MCF2L: variants seen among roughly 807,000 people sequenced by gnomAD.
MCF2L encodes MCF.2 cell line derived transforming sequence like, also known as guanine nucleotide exchange factor DBS.
A neutral mutation model predicts 153.4 loss-of-function variants in MCF2L; 97 were observed. The observed-to-expected ratio is 0.63, with a 90% CI of 0.54 to 0.75. MCF2L has a LOEUF of 0.75. Among genes scored for constraint, MCF2L ranks in the 30% least tolerant of loss-of-function variants. MCF2L has a pLI of 0.00. For missense variants in MCF2L, 1,347 were observed against 1,495.2 expected, an observed-to-expected ratio of 0.90 and a Z score of 1.64; for synonymous variants, 659 against 632.2, an observed-to-expected ratio of 1.04 and a Z score of -0.64.
At chr13:112,920,243 AG>A (rs2081338806) in intron 2 of MCF2L, among the ~76,000 whole-genome samples, 3 of 152,216 alleles carry the variant, frequency 2.0e-5, no homozygotes, top group Non-Finnish European at 4.4e-5. Flanking sequence ...GTGTGTCTGT[AG>A]AGTACAGTTC....
intron 2 of MCF2L, among the ~76,000 whole-genome samples, chr13:112,926,443 C>G: frequency 6.6e-6 from 1 of 152,198 alleles, no homozygotes; most frequent in Admixed American, 6.5e-5. Context: ...TTTCTATACA[C>G]AGCGGAGTAC....
intron 1 of MCF2L, among the ~76,000 whole-genome samples, chr13:113,000,070 C>T (rs923027954): frequency 6.6e-6 from 1 of 152,146 alleles, no homozygotes; most frequent in Non-Finnish European, 1.5e-5. Flanking sequence ...CGGCTGGTGC[C>T]GTGGTGACGG....
intron 2 of MCF2L, among the ~76,000 whole-genome samples, chr13:113,022,679 G>A (rs992841392): frequency 6.6e-6 from 1 of 152,268 alleles, no homozygotes; most frequent in Admixed American, 6.5e-5. Context: ...AATGGCGACT[G>A]AAAAGTTGCC....
At chr13:112,944,459 G>A (rs549900799) in intron 2 of MCF2L, among the ~76,000 whole-genome samples, 22 of 152,002 alleles carry the variant, frequency 1.4e-4, no homozygotes, top group Non-Finnish European at 2.6e-4. Context: ...GGGGGATGCC[G>A]CCTGCTCAAG....
At chr13:113,015,802 G>A (rs550459528) in intron 2 of MCF2L, among the ~76,000 whole-genome samples, 52 of 152,356 alleles carry the variant, frequency 3.4e-4, no homozygotes, top group African/African-American at 1.2e-3. Context: ...CCCAGGAGGA[G>A]GAAGGAGAGA....
intron 2 of MCF2L, among the ~76,000 whole-genome samples, chr13:112,922,182 C>T (rs573278939): frequency 1.3e-5 from 2 of 152,014 alleles, no homozygotes; most frequent in South Asian, 4.2e-4. Context: ...AATTTGAAAG[C>T]GTAGAAGAAA....
Position 113,070,169 on chromosome 13 carries a change from G to C in MCF2L, c.992G>C (p.Arg331Pro). 3 of 1,592,314 alleles carry C rather than the reference G, an allele frequency of 1.9e-6. No homozygotes were observed. Among genetic ancestry groups the C allele is most frequent in the South Asian group, 1.1e-5 (1 of 88,444 alleles). Residue 331 changes from arginine (R) to proline (P), a missense_variant, in exon 9 of 30, where the codon CGG (arginine) becomes CCG (proline). Around this residue, in one of 3 missense-constraint regions of MCF2L, gnomAD observed 820 missense variants for 921.2 expected, o/e 0.89. Coordinates refer to ENST00000535094, the MANE Select transcript of MCF2L (RefSeq NM_001112732.3). This position sits in a 1 kb window ranked among gnomAD's most constrained non-coding sequence, Gnocchi z 5.6. ...CTCCGGCACTTTGAGCAGGGCTTCC[G>C]GGAGGTGAGTGGCCCTGGGTGGAGC... is the stretch of plus-strand genomic sequence containing the variant. Reference protein sequence around the residue: ...LQLRHFEQGFREVKAILDAAS... With the variant: ...LQLRHFEQGFPEVKAILDAAS...
In MCF2L at chr13:113,064,899, G is replaced by A. The variant is rs139926320; in HGVS notation, c.607-37G>A. Reference sequence around the variant, plus strand: ...CAGGGCAGCAGGAGGTGGGTGCAGTGCACAAGGCATGCAATTGTGTTTTCT... The same window carrying A: ...CAGGGCAGCAGGAGGTGGGTGCAGTACACAAGGCATGCAATTGTGTTTTCT... On this transcript the variant is annotated intron_variant, in intron 6 of 29. Coordinates refer to ENST00000535094, the MANE Select transcript of MCF2L (RefSeq NM_001112732.3). The surrounding 1 kb of genome is among the most constrained non-coding windows in gnomAD (Gnocchi z 6.0). 8.0e-5 allele frequency: 127 copies of A among 1,593,870 alleles called. No homozygotes were observed. The East Asian group carries it at 2.8e-3, about 35-fold the overall frequency.
rs539607062 is a variant in MCF2L, at chr13:113,090,697, G to A, written c.2953+969G>A. 239 of 985,490 alleles carry A rather than the reference G, an allele frequency of 2.4e-4. No individual in the cohort carries two copies. In the South Asian group the frequency reaches 6.1e-3, roughly 25 times the overall value. The allele number at this position is 985,490 out of a possible 1,614,324, so 61.0% of individuals were successfully genotyped here. A position where few individuals can be genotyped will look rare whatever the true frequency, so the allele number is the denominator to read the frequency against. On this transcript the variant is annotated intron_variant, in intron 26 of 29. Transcript: ENST00000535094. ...TGGAAGCCGGCCCTGGCGTGCAGGCGGCTCTTCTGGGAAGCCCTGAAGGCC... is the reference window on the plus strand; with the variant it reads ...TGGAAGCCGGCCCTGGCGTGCAGGCAGCTCTTCTGGGAAGCCCTGAAGGCC...
At chr13:112,975,148 C>T (rs1207729783) in intron 1 of MCF2L, among the ~76,000 whole-genome samples, 2 of 152,212 alleles carry the variant, frequency 1.3e-5, no homozygotes, top group Non-Finnish European at 2.9e-5. Context: ...AAAGAAGCAT[C>T]TGTTACGCCT....
intron 1 of MCF2L, among the ~76,000 whole-genome samples, chr13:112,970,624 C>T (rs895265675): frequency 7.9e-5 from 12 of 152,000 alleles, no homozygotes; most frequent in African/African-American, 2.7e-4. Flanking sequence ...GGCTTCCGAT[C>T]GGCTGTGGGG....
Position 113,077,219 on chromosome 13 carries a change from T to A in MCF2L, c.1660+8T>A, listed in dbSNP as rs202140214. 1.2e-5 allele frequency: 19 copies of A among 1,548,414 alleles called. No individual in the cohort carries two copies. The East Asian group carries it at 2.1e-4, about 17-fold the overall frequency. The stretch of plus-strand genomic sequence containing the variant: ...CGCCCTGCCCCTCCCCAGGTCTGTG[T>A]GGCCGCCCGGTGCCCCGGGTGCTGT... On this transcript the variant is annotated splice_region_variant and intron_variant, in intron 13 of 29. Transcript: ENST00000535094.
intron 1 of MCF2L, among the ~76,000 whole-genome samples, chr13:112,901,139 C>T (rs779951917): frequency 6.6e-6 from 1 of 152,140 alleles, no homozygotes; most frequent in African/African-American, 2.4e-5. Context: ...GGTGGAGCCA[C>T]CGATACCGTT....
intron 2 of MCF2L, among the ~76,000 whole-genome samples, chr13:112,954,922 C>T (rs895024582): frequency 6.6e-6 from 1 of 152,160 alleles, no homozygotes; most frequent in African/African-American, 2.4e-5. Context: ...CTGTTTAGGG[C>T]GAGTTGGTCA....
chr13:112,945,793 A>G (rs549253674), intron 2 of MCF2L, among the ~76,000 whole-genome samples: 1 of 152,378 alleles, frequency 6.6e-6, no homozygotes, highest in Non-Finnish European at 1.5e-5. Context: ...GTCAAAAGCA[A>G]TAATTGGGTT....
chr13:112,999,294 A>T (rs1270625733), intron 1 of MCF2L, among the ~76,000 whole-genome samples: 1 of 152,110 alleles, frequency 6.6e-6, no homozygotes, highest in Non-Finnish European at 1.5e-5. Flanking sequence ...CTTCAGTGTG[A>T]CAAGACATCG....
intron 2 of MCF2L, among the ~76,000 whole-genome samples, chr13:113,023,585 G>A (rs1320946304): frequency 1.3e-5 from 2 of 152,214 alleles, no homozygotes; most frequent in Non-Finnish European, 2.9e-5. Flanking sequence ...GGACGTGGAT[G>A]AGGGGCGGCG....
chr13:113,057,232 G>A (rs543409922), intron 4 of MCF2L, among the ~76,000 whole-genome samples: 1 of 149,542 alleles, frequency 6.7e-6, no homozygotes, highest in East Asian at 2.0e-4. Flanking sequence ...TGGGTACTGA[G>A]TGGGTGCTGT....
At chr13:113,089,798 A>G (rs2035022105) in intron 26 of MCF2L, 70 bp downstream of exon 26, 2 of 1,598,764 alleles carry the variant, frequency 1.3e-6, no homozygotes, top group Non-Finnish European at 1.7e-6. Context: ...TGCTCACTGC[A>G]TCCGAGAAAC....
Sources: gnomAD v4.1 joint callset for allele counts (sites outside exome capture counted in the v4.1 genomes callset) on GRCh38, gnomAD v4.1.1 for gene constraint, gnomAD v4.1.1 regional missense constraint, Gnocchi (gnomAD v3.1) non-coding constraint, MANE v1.5 for transcripts, NCBI Gene and HGNC (gene_info 2026-07-23, HGNC 2026-07-21) for gene names.